XKR9: variants seen among roughly 807,000 people sequenced by gnomAD.
XKR9 encodes XK related 9, also known as XK-related protein 9.
A neutral mutation model predicts 32.0 loss-of-function variants in XKR9; 32 were observed. The ratio of observed to expected loss-of-function variants is 1.00; its 90% confidence interval spans 0.76 to 1.34. XKR9 has a LOEUF of 1.34. Among genes scored for constraint, XKR9 ranks in the 40% most tolerant of loss-of-function variants. XKR9 has a pLI of 0.00. For synonymous variants in XKR9, 168 were observed against 143.4 expected (o/e 1.17, Z -1.22); for missense variants, 546 against 429.7 (o/e 1.27, Z -2.39).
chr8:70,710,210 A>C (rs897261456), intron 4 of XKR9, among the ~76,000 whole-genome samples: 10 of 152,190 alleles, frequency 6.6e-5, no homozygotes, highest in African/African-American at 2.4e-4. Context: ...CTATTCAATA[A>C]ATGGTACTGG....
chr8:70,900,956 G>A, the XKR9 span, among the ~76,000 whole-genome samples: 1 of 152,132 alleles, frequency 6.6e-6, no homozygotes, highest in South Asian at 2.1e-4. Context: ...ATGGTTTCCA[G>A]CTTCATCCAT....
At chr8:70,862,196 C>T in the XKR9 span, among the ~76,000 whole-genome samples, 2 of 152,120 alleles carry the variant, frequency 1.3e-5, no homozygotes, top group South Asian at 4.1e-4. Flanking sequence ...TATTTTAGAT[C>T]AGTCCATTAA....
chr8:70,675,447 A>C (rs1818853061), intron 2 of XKR9, among the ~76,000 whole-genome samples: 1 of 152,166 alleles, frequency 6.6e-6, no homozygotes, highest in African/African-American at 2.4e-5. Flanking sequence ...TCTTCTGAAG[A>C]AGCTTTTTCT....
intron 2 of XKR9, among the ~76,000 whole-genome samples, chr8:70,743,620 C>A (rs1411717290): frequency 6.6e-6 from 1 of 152,102 alleles, no homozygotes; most frequent in Non-Finnish European, 1.5e-5. Context: ...TGCATCGAGT[C>A]TTCCCCTTAT....
chr8:70,930,787 T>G, the XKR9 span, among the ~76,000 whole-genome samples: 1 of 152,130 alleles, frequency 6.6e-6, no homozygotes, highest in Non-Finnish European at 1.5e-5. Context: ...AGCACTTCAT[T>G]TTTAGCAGTG....
chr8:70,846,328 AGAT>A, the XKR9 span, among the ~76,000 whole-genome samples: 8 of 152,110 alleles, frequency 5.3e-5, no homozygotes, highest in Non-Finnish European at 1.2e-4. Flanking sequence ...GGATGTGAAA[AGAT>A]GATATATACC....
At chr8:70,739,214 A>G (rs1391960016), downstream of XKR9, among the ~76,000 whole-genome samples, 1 of 152,140 alleles carries the variant, frequency 6.6e-6, no homozygotes, top group Non-Finnish European at 1.5e-5. Flanking sequence ...TCCCTTTACC[A>G]TTAAGTAATG....
the XKR9 span, among the ~76,000 whole-genome samples, chr8:70,877,421 C>A: frequency 1.3e-5 from 2 of 152,126 alleles, no homozygotes. Flanking sequence ...TTTCCATCCT[C>A]ATTTTACAGA....
At chr8:70,861,920 C>CAT in the XKR9 span, among the ~76,000 whole-genome samples, 148 of 152,160 alleles carry the variant, frequency 9.7e-4, no homozygotes, top group Admixed American at 2.8e-3. Flanking sequence ...TATATGTGTA[C>CAT]ATATATATAG....
chr8:70,791,723 G>C (rs1477864983), downstream of XKR9, among the ~76,000 whole-genome samples: 10 of 151,980 alleles, frequency 6.6e-5, no homozygotes, highest in East Asian at 1.9e-3. Flanking sequence ...CCAGAACTGT[G>C]AGCAAATAAA....
the XKR9 span, among the ~76,000 whole-genome samples, chr8:70,983,391 A>G: frequency 6.6e-6 from 1 of 152,186 alleles, no homozygotes; most frequent in African/African-American, 2.4e-5. Context: ...ATAATTTCTT[A>G]TTAAATGTCT....
chr8:70,877,509 G>A, the XKR9 span, among the ~76,000 whole-genome samples: 2 of 152,110 alleles, frequency 1.3e-5, no homozygotes, highest in African/African-American at 4.8e-5. Context: ...CTAGGATACA[G>A]ACTCAGATTT....
At position 70,681,131 on chromosome 8, in the gene XKR9, G is replaced by T; in HGVS notation, c.73G>T (p.Asp25Tyr). The T allele has an allele frequency of 5.0e-6, 8 of 1,613,468 alleles. No individual in the cohort carries two copies. The highest frequency in any genetic ancestry group is 6.8e-6 in the Non-Finnish European group (8 of 1,179,574). The change falls in exon 3 of 5, where the codon GAC (aspartate) becomes TAC (tyrosine). Residue 25 changes from aspartate (D) to tyrosine (Y), a missense_variant. Asp to Tyr is a radical substitution (Grantham distance 160, BLOSUM62 -3). Transcript: ENST00000408926. ...AATCTACGTAACTGATTTAATTGTG[G>T]ACATATGGGTATCTGTCAGATTTTT... ...IIIYVTDLIVDIWVSVRFFHE... is the reference protein window; with the variant it reads ...IIIYVTDLIVYIWVSVRFFHE...
At chr8:70,772,438 C>T (rs1036905561) in intron 2 of XKR9, among the ~76,000 whole-genome samples, 8 of 152,022 alleles carry the variant, frequency 5.3e-5, no homozygotes, top group Non-Finnish European at 1.0e-4. Context: ...TTGAACAGCC[C>T]GATTTAATAA....
chr8:71,032,322 T>G, the XKR9 span, among the ~76,000 whole-genome samples: 97 of 149,940 alleles, frequency 6.5e-4, 1 homozygote, highest in African/African-American at 2.1e-3. Flanking sequence ...CTTTGGAAGT[T>G]ACCACAATTC....
At chr8:70,850,862 A>G in the XKR9 span, among the ~76,000 whole-genome samples, 1 of 152,224 alleles carries the variant, frequency 6.6e-6, no homozygotes, top group East Asian at 1.9e-4. Flanking sequence ...ATTCCCTTTG[A>G]AAGCCAGCAC....
At chr8:71,049,157 G>T in the XKR9 span, among the ~76,000 whole-genome samples, 1 of 152,162 alleles carries the variant, frequency 6.6e-6, no homozygotes, top group East Asian at 1.9e-4. Context: ...TCAAGCCAAA[G>T]ATCTTCATTT....
the XKR9 span, among the ~76,000 whole-genome samples, chr8:71,029,296 A>G: frequency 2.6e-5 from 4 of 152,232 alleles, no homozygotes; most frequent in African/African-American, 4.8e-5. Context: ...TTTAATGTTC[A>G]TATGATCCTT....
At chr8:70,773,624 G>A (rs1807482369) in intron 2 of XKR9, among the ~76,000 whole-genome samples, 1 of 152,146 alleles carries the variant, frequency 6.6e-6, no homozygotes, top group Non-Finnish European at 1.5e-5. Context: ...ATAGCTTCAT[G>A]GTGAAATGTT....
Sources: gnomAD v4.1 joint callset for allele counts (sites outside exome capture counted in the v4.1 genomes callset) on GRCh38, gnomAD v4.1.1 for gene constraint, MANE v1.5 for transcripts, NCBI Gene and HGNC (gene_info 2026-07-23, HGNC 2026-07-21) for gene names.